The following CBFA2T2 variants were observed in gnomAD, a reference collection of about 807,000 sequenced individuals.
The protein encoded by CBFA2T2 is CBFA2/RUNX1 partner transcriptional co-repressor 2, also known as protein CBFA2T2.
Under a neutral mutation model 62.2 loss-of-function variants are expected in CBFA2T2, and 11 were observed. The observed-to-expected ratio is 0.18, with a 90% CI of 0.11 to 0.29. CBFA2T2 has a LOEUF of 0.29. Ranked by LOEUF, CBFA2T2 falls within the 10% of genes least tolerant of loss-of-function variation. The probability of loss-of-function intolerance (pLI) is 1.00; values close to 1 mark genes in which losing one functional copy is unlikely to be tolerated. For missense variants in CBFA2T2, 592 were observed against 774.1 expected (o/e 0.76, Z 2.79); for synonymous variants, 295 against 287.5 (o/e 1.03, Z -0.27).
chr20:33,577,561 G>A lies in CBFA2T2; in HGVS notation c.35-29395G>A, dbSNP rs138238673. ...ACTGTGTATTTACGTTCATATATTT[G>A]TGAAGAAAGACAGGAACTATATAGT... On this transcript the variant is annotated intron_variant, in intron 1 of 10. Transcript: ENST00000342704. Among the ~76,000 whole-genome samples, 18 of 152,284 alleles carry A rather than the reference G, an allele frequency of 1.2e-4. No homozygotes were observed. The East Asian group carries it at 3.5e-3, about 29-fold the overall frequency.
In CBFA2T2 at chr20:33,529,150, C is replaced by T. The variant is rs550876304; in HGVS notation, c.34+38849C>T. ...ACGCCATTCTCCTGCCTCAGCCTCC[C>T]GAGTAGCTGGGACTACAGGTGCCTG... On this transcript the variant is annotated intron_variant, in intron 1 of 10. Transcript: ENST00000342704. 4.6e-5 allele frequency among the ~76,000 whole-genome samples: 7 copies of T among 152,082 alleles called. No individual in the cohort carries two copies. In the South Asian group the frequency reaches 1.2e-3, roughly 27 times the overall value.
chr20:33,536,958 C>T (rs1401952611), intron 1 of CBFA2T2, among the ~76,000 whole-genome samples: 3 of 151,780 alleles, frequency 2.0e-5, no homozygotes, highest in Non-Finnish European at 4.4e-5. Context: ...CTCCTCACTT[C>T]CTAGACGGGA....
intron 1 of CBFA2T2, among the ~76,000 whole-genome samples, chr20:33,595,775 C>G (rs2014859330): frequency 1.3e-5 from 2 of 151,286 alleles, no homozygotes; most frequent in Admixed American, 1.3e-4. Flanking sequence ...TCTGAGCTGA[C>G]TCGATCCACC....
intron 1 of CBFA2T2, among the ~76,000 whole-genome samples, chr20:33,537,805 A>G (rs913649911): frequency 3.3e-5 from 5 of 152,120 alleles, no homozygotes; most frequent in African/African-American, 1.2e-4. Flanking sequence ...AGTTGTTTAT[A>G]TATCTGTGGG....
chr20:33,555,369 A>T (rs1203861166), intron 1 of CBFA2T2, among the ~76,000 whole-genome samples: 1 of 152,218 alleles, frequency 6.6e-6, no homozygotes, highest in Non-Finnish European at 1.5e-5. Flanking sequence ...TCATGGACTG[A>T]CACACATGTT....
chr20:33,589,265 C>A (rs1463198074), intron 1 of CBFA2T2, among the ~76,000 whole-genome samples: 1 of 152,170 alleles, frequency 6.6e-6, no homozygotes, highest in African/African-American at 2.4e-5. Flanking sequence ...GCACAGAGAG[C>A]AGCCAGTTGC....
At chr20:33,519,913 G>A (rs980422606) in intron 1 of CBFA2T2, among the ~76,000 whole-genome samples, 5 of 151,882 alleles carry the variant, frequency 3.3e-5, no homozygotes, top group African/African-American at 7.3e-5. Context: ...TTGGGAGGCC[G>A]AGGCAGGCGG....
intron 1 of CBFA2T2, chr20:33,562,354 G>A: frequency 1.0e-6 from 1 of 984,744 alleles, no homozygotes; most frequent in South Asian, 4.7e-5. Flanking sequence ...TGGAGAGAGA[G>A]GAAGCAGGAG....
Position 33,648,565 on chromosome 20 carries a change from G to C in CBFA2T2, c.*3919G>C, listed in dbSNP as rs2017132344. The stretch of plus-strand genomic sequence containing the variant: ...GAGGTGGGGGCACTCCACACTGGGG[G>C]GCCCTGCAGCTCCAGGGCTGGTGCT... On this transcript the variant is annotated 3_prime_UTR_variant, in exon 11 of 11. Transcript: ENST00000342704. 6.6e-6 allele frequency: 1 copy of C among 152,248 alleles called. No homozygotes were observed. Among genetic ancestry groups the C allele is most frequent in the Non-Finnish European group, 1.5e-5 (1 of 68,106 alleles). The allele number at this position is 152,248 out of a possible 1,614,324, so 9.4% of individuals were successfully genotyped here. A position where few individuals can be genotyped will look rare whatever the true frequency, so the allele number is the denominator to read the frequency against.
chr20:33,569,301 T>C (rs551308435), intron 1 of CBFA2T2, among the ~76,000 whole-genome samples: 5 of 152,360 alleles, frequency 3.3e-5, no homozygotes, highest in African/African-American at 9.6e-5. Context: ...ATGCAGTCAT[T>C]GTTAAATGCT....
intron 1 of CBFA2T2, among the ~76,000 whole-genome samples, chr20:33,500,892 C>G (rs1298368982): frequency 2.0e-5 from 3 of 152,126 alleles, no homozygotes; most frequent in Non-Finnish European, 4.4e-5. Context: ...GTTTCCTGAT[C>G]TTAGCAGTGA....
At position 33,623,105 on chromosome 20, in the gene CBFA2T2, TC is replaced by T; in HGVS notation, c.511-8del. The T allele has an allele frequency of 6.2e-7, 1 of 1,614,074 alleles. No individual in the cohort carries two copies. Among genetic ancestry groups the T allele is most frequent in the South Asian group, 1.1e-5 (1 of 91,078 alleles). On this transcript the variant is annotated splice_polypyrimidine_tract_variant and intron_variant, in intron 4 of 10. Coordinates refer to ENST00000342704, the MANE Select transcript of CBFA2T2 (RefSeq NM_001032999.3). Reference sequence around the variant, plus strand: ...GCCTAACACTGGAAAAACTGCCTCTTCCTTTCAAGGCCAACCTGCCCCTGCT... The same window carrying T: ...GCCTAACACTGGAAAAACTGCCTCTTCTTTCAAGGCCAACCTGCCCCTGCT...
chr20:33,518,924 C>T (rs1025518147), intron 1 of CBFA2T2, among the ~76,000 whole-genome samples: 1 of 151,944 alleles, frequency 6.6e-6, no homozygotes, highest in East Asian at 1.9e-4. Flanking sequence ...CGGGTTCAAG[C>T]GATTCTCCTC....
rs116481498 is a variant in CBFA2T2 at position 33,640,923 on chromosome 20, A to G, written c.1488+392A>G. ...GTATATTTTCTTTTTGAGTCTCACA[A>G]TGGCCCTAATTTGCAGATGAGGAGA... On this transcript the variant is annotated intron_variant, in intron 10 of 10. Transcript: ENST00000342704. Among the ~76,000 whole-genome samples, 691 of 152,254 alleles carry G rather than the reference A, an allele frequency of 4.5e-3. 4 individuals carry two copies. Among genetic ancestry groups the G allele is most frequent in the African/African-American group, 0.015 (641 of 41,546 alleles).
chr20:33,503,724 G>A (rs2011344360), intron 1 of CBFA2T2, among the ~76,000 whole-genome samples: 1 of 152,046 alleles, frequency 6.6e-6, no homozygotes, highest in South Asian at 2.1e-4. Flanking sequence ...GTCTTACTAT[G>A]TTGCCCCGGC....
At chr20:33,555,374 C>T (rs2146888062) in intron 1 of CBFA2T2, among the ~76,000 whole-genome samples, 3 of 152,240 alleles carry the variant, frequency 2.0e-5, no homozygotes, top group Middle Eastern at 3.4e-3. Flanking sequence ...GACTGACACA[C>T]ATGTTCACTT....
At chr20:33,570,736 CAAAGTT>C (rs1002219837) in intron 1 of CBFA2T2, among the ~76,000 whole-genome samples, 2 of 152,138 alleles carry the variant, frequency 1.3e-5, no homozygotes, top group Admixed American at 1.3e-4. Flanking sequence ...TACTGAGAAA[CAAAGTT>C]AAATAGTAAA....
Position 33,623,269 on chromosome 20 carries a change from G to A in CBFA2T2, c.665G>A (p.Gly222Glu). The A allele has an allele frequency of 6.2e-7, 1 of 1,614,244 alleles. No individual in the cohort carries two copies. The highest frequency in any genetic ancestry group is 8.5e-7 in the Non-Finnish European group (1 of 1,180,050). Residue 222 changes from glycine to glutamate, a missense_variant, in exon 5 of 11, where the codon GGA becomes GAA. Coordinates refer to ENST00000342704, the MANE Select transcript of CBFA2T2 (RefSeq NM_001032999.3). ...TCAGAGTTGCTCATGGAGGTGCACG[G>A]AAATGGGAAGAGGCCCAGTCCAGAG... ...DSSELLMEVH[G>E]NGKRPSPERR...
rs533656040 is a variant in CBFA2T2, at chr20:33,614,682, A to G, written c.420+3347A>G. 3.3e-5 allele frequency among the ~76,000 whole-genome samples: 5 copies of G among 152,210 alleles called. No homozygotes were observed. The South Asian group carries it at 8.3e-4, about 25-fold the overall frequency. On this transcript the variant is annotated intron_variant, in intron 3 of 10. Coordinates refer to ENST00000342704, the MANE Select transcript of CBFA2T2 (RefSeq NM_001032999.3). ...GTATTTGTCTTTTTGTGACTAGCCT[A>G]TTTCACTTAGCTTAATGTCCTTAGG... is the stretch of plus-strand genomic sequence containing the variant.
Sources: gnomAD v4.1 joint callset for allele counts (sites outside exome capture counted in the v4.1 genomes callset) on GRCh38, gnomAD v4.1.1 for gene constraint, MANE v1.5 for transcripts, NCBI Gene and HGNC (gene_info 2026-07-23, HGNC 2026-07-21) for gene names.